The following MED13L variants were observed in gnomAD, a reference collection of about 807,000 sequenced individuals.
The protein encoded by MED13L is mediator of RNA polymerase II transcription subunit 13-like.
Under a neutral mutation model 220.9 loss-of-function variants are expected in MED13L, and 7 were observed. The ratio of observed to expected loss-of-function variants is 0.03; its 90% confidence interval spans 0.02 to 0.06. The LOEUF (loss-of-function observed/expected upper bound fraction) is 0.06, where lower values mean the gene tolerates loss of function less well. Among genes scored for constraint, MED13L ranks in the 10% least tolerant of loss-of-function variants. The probability of loss-of-function intolerance (pLI) is 1.00; values close to 1 mark genes in which losing one functional copy is unlikely to be tolerated. For missense variants in MED13L, 1,965 were observed against 2,760.5 expected, an observed-to-expected ratio of 0.71 and a Z score of 6.46; for synonymous variants, 1,011 against 1,015.2, an observed-to-expected ratio of 1.00 and a Z score of 0.08.
At chr12:116,265,701 C>G (rs1301656844) in intron 1 of MED13L, among the ~76,000 whole-genome samples, 1 of 152,206 alleles carries the variant, frequency 6.6e-6, no homozygotes, top group African/African-American at 2.4e-5. Flanking sequence ...GCCCACACTT[C>G]AAATTTTCCA....
intron 12 of MED13L, 26 bp downstream of exon 12, chr12:116,006,280 G>A (rs764696544): frequency 5.0e-6 from 8 of 1,586,170 alleles, no homozygotes; most frequent in African/African-American, 1.3e-5. Context: ...AACAATCCAA[G>A]TGAGGCAAAT....
chr12:116,052,299 A>G (rs1868573266), intron 4 of MED13L, among the ~76,000 whole-genome samples: 1 of 152,160 alleles, frequency 6.6e-6, no homozygotes, highest in Admixed American at 6.5e-5. Flanking sequence ...GACTAAAGGG[A>G]TGATTAAAGT....
chr12:116,120,477 TCACACACA>T (rs1158069310), intron 2 of MED13L, among the ~76,000 whole-genome samples: 84 of 79,458 alleles, frequency 1.1e-3, no homozygotes, highest in South Asian at 3.0e-3. Context: ...TCTCTCTCTC[TCACACACA>T]CACACACACA....
At chr12:116,102,685 T>C (rs1201905449) in intron 3 of MED13L, among the ~76,000 whole-genome samples, 1 of 134,974 alleles carries the variant, frequency 7.4e-6, no homozygotes, top group Admixed American at 7.6e-5. Flanking sequence ...GTAATCCCTA[T>C]ATTTTCTTTT....
At chr12:116,165,423 C>A (rs975507932) in intron 2 of MED13L, among the ~76,000 whole-genome samples, 3 of 151,826 alleles carry the variant, frequency 2.0e-5, no homozygotes, top group Admixed American at 6.6e-5. Context: ...CTCTGCCTCC[C>A]GAGTTCACGC....
intron 2 of MED13L, among the ~76,000 whole-genome samples, chr12:116,176,088 G>T (rs919462608): frequency 6.6e-6 from 1 of 152,124 alleles, no homozygotes; most frequent in Admixed American, 6.5e-5. Flanking sequence ...AAAAAAAGTG[G>T]ATCAGGAATA....
chr12:116,059,524 T>A (rs900866980), intron 4 of MED13L, among the ~76,000 whole-genome samples: 1 of 151,470 alleles, frequency 6.6e-6, no homozygotes, highest in Non-Finnish European at 1.5e-5. Context: ...TTCAAGCAAT[T>A]CTCCTGAGTC....
At chr12:116,122,128 A>G (rs1875157536) in intron 2 of MED13L, among the ~76,000 whole-genome samples, 1 of 152,192 alleles carries the variant, frequency 6.6e-6, no homozygotes, top group South Asian at 2.1e-4. Context: ...GAATTATTAA[A>G]TCTACTTCCA....
intron 4 of MED13L, among the ~76,000 whole-genome samples, chr12:116,030,501 TA>T (rs1258269515): frequency 6.6e-6 from 1 of 151,718 alleles, no homozygotes; most frequent in Non-Finnish European, 1.5e-5. Flanking sequence ...AAGCAAGGAG[TA>T]AACACAATAA....
chr12:116,014,381 C>A (rs566262765), intron 8 of MED13L, among the ~76,000 whole-genome samples: 2 of 152,298 alleles, frequency 1.3e-5, no homozygotes, highest in Non-Finnish European at 2.9e-5. Flanking sequence ...CAGACATCTA[C>A]TCATATTAAA....
At position 116,145,697 on chromosome 12, in the gene MED13L, A is replaced by ATTTGTTTG. The variant is rs1555216007; in HGVS notation, c.311-34186_311-34185insCAAACAAA. On this transcript the variant is annotated intron_variant, in intron 2 of 30. Transcript: ENST00000281928. ...TATTTATTTATTTATTTATTTATTT[A>ATTTGTTTG]TTTATTTTAAATTTTTGTAGAGTCT... Among the ~76,000 whole-genome samples, 839 of 146,944 alleles carry ATTTGTTTG rather than the reference A, an allele frequency of 5.7e-3. 7 individuals carry two copies. Among genetic ancestry groups the ATTTGTTTG allele is most frequent in the South Asian group, 0.013 (61 of 4,646 alleles).
intron 4 of MED13L, among the ~76,000 whole-genome samples, chr12:116,066,818 G>A (rs1869967319): frequency 6.6e-6 from 1 of 150,734 alleles, no homozygotes; most frequent in South Asian, 2.1e-4. Context: ...CCAACAGAGG[G>A]CGAAAGCGGT....
chr12:116,088,227 C>T lies in MED13L; in HGVS notation c.479+8442G>A, dbSNP rs931563423. On this transcript the variant is annotated intron_variant, in intron 4 of 30. Transcript: ENST00000281928. ...CCACAACAGCTAAAACTAACAGAAA[C>T]CCGACCTTGGTTCTTAGTGGCAAAG... 3.3e-5 allele frequency among the ~76,000 whole-genome samples: 5 copies of T among 152,082 alleles called. 1 individual carries two copies. The highest frequency in any genetic ancestry group is 2.0e-4 in the Admixed American group (3 of 15,274).
intron 7 of MED13L, among the ~76,000 whole-genome samples, chr12:116,018,535 C>T (rs777791783): frequency 4.6e-5 from 7 of 152,218 alleles, no homozygotes; most frequent in Middle Eastern, 6.8e-3. Context: ...TGATGAGTAT[C>T]CTTTCCATAC....
intron 1 of MED13L, among the ~76,000 whole-genome samples, chr12:116,263,758 G>A (rs1872653175): frequency 6.6e-6 from 1 of 152,150 alleles, no homozygotes; most frequent in African/African-American, 2.4e-5. Context: ...ACTCTTGCTA[G>A]TCAGACAGAG....
At chr12:115,980,555 C>T in intron 23 of MED13L, 195 bp downstream of exon 23, 2 of 652,084 alleles carry the variant, frequency 3.1e-6, no homozygotes, top group Non-Finnish European at 5.5e-6. Context: ...AACTCCTAGG[C>T]TTAAGCAATC....
At chr12:115,961,759 G>A (rs1424509889) in intron 30 of MED13L, among the ~76,000 whole-genome samples, 1 of 152,198 alleles carries the variant, frequency 6.6e-6, no homozygotes, top group Non-Finnish European at 1.5e-5. Context: ...ATCACCTGAG[G>A]TCAGGAGTTC....
At chr12:116,242,962 A>G (rs550662146) in intron 1 of MED13L, among the ~76,000 whole-genome samples, 1 of 152,312 alleles carries the variant, frequency 6.6e-6, no homozygotes, top group African/African-American at 2.4e-5. Flanking sequence ...ACTAGAGCTC[A>G]TGGCCATACT....
At chr12:116,013,294 T>C (rs1211486691) in intron 8 of MED13L, among the ~76,000 whole-genome samples, 2 of 152,162 alleles carry the variant, frequency 1.3e-5, no homozygotes, top group African/African-American at 4.8e-5. Flanking sequence ...ATCGGTAGCA[T>C]ATGAATTCTG....
Sources: gnomAD v4.1 joint callset for allele counts (sites outside exome capture counted in the v4.1 genomes callset) on GRCh38, gnomAD v4.1.1 for gene constraint, MANE v1.5 for transcripts, NCBI Gene and HGNC (gene_info 2026-07-23, HGNC 2026-07-21) for gene names.